Variants in MMP26 observed in about 807,000 individuals in gnomAD.
MMP26 encodes matrix metallopeptidase 26.
In MMP26, 33 loss-of-function variants were observed where a neutral mutation model predicts 31.0. That is an observed-to-expected ratio of 1.06 (90% CI 0.81 to 1.42). The LOEUF (loss-of-function observed/expected upper bound fraction) is 1.42. Ranked by LOEUF, MMP26 falls within the 40% of genes most tolerant of loss-of-function variation. The pLI is 0.00. For synonymous variants in MMP26, 122 were observed against 114.9 expected, an observed-to-expected ratio of 1.06 and a Z score of -0.40; for missense variants, 347 against 316.1, an observed-to-expected ratio of 1.10 and a Z score of -0.74.
At chr11:4,908,570 A>G (rs1850943588) in intron 2 of MMP26, 1 of 497,834 alleles carries the variant, frequency 2.0e-6, no homozygotes, top group Non-Finnish European at 3.6e-6. Flanking sequence ...GCTGGATTTG[A>G]GTCAACCCAT....
intron 2 of MMP26, among the ~76,000 whole-genome samples, chr11:4,814,643 T>C (rs1050426114): frequency 1.3e-5 from 2 of 152,226 alleles, no homozygotes; most frequent in Non-Finnish European, 2.9e-5. Flanking sequence ...CAAGGGTTAT[T>C]ATGCTCTAAG....
At chr11:4,752,643 G>A (rs528529106) in intron 1 of MMP26, 1 of 152,408 alleles carries the variant, frequency 6.6e-6, no homozygotes, top group African/African-American at 2.4e-5. Flanking sequence ...GAGCACTGAA[G>A]ATTCCATGAA....
chr11:4,749,122 A>T (rs966098510), intron 1 of MMP26, among the ~76,000 whole-genome samples: 5 of 152,134 alleles, frequency 3.3e-5, no homozygotes, highest in Non-Finnish European at 7.4e-5. Context: ...AACATACAAA[A>T]ATCAGTAGCA....
chr11:4,967,529 A>T (rs576161450), intron 2 of MMP26, among the ~76,000 whole-genome samples: 1 of 152,284 alleles, frequency 6.6e-6, no homozygotes, highest in South Asian at 2.1e-4. Context: ...GGTCCCCAAG[A>T]TATTCTGAGG....
At chr11:4,733,932 C>A (rs1848205769) in intron 1 of MMP26, among the ~76,000 whole-genome samples, 1 of 152,112 alleles carries the variant, frequency 6.6e-6, no homozygotes, top group African/African-American at 2.4e-5. Context: ...TTGAGATGAT[C>A]ATGTAGTTTT....
rs1846358025 is a variant in MMP26, at chr11:4,950,187, AT to A, written c.-144-37880del. Among the ~76,000 whole-genome samples, 2 of 123,972 alleles carry A rather than the reference AT, an allele frequency of 1.6e-5. 1 individual carries two copies. The allele number at this position is 123,972 out of a possible 152,430, so 81.3% of individuals were successfully genotyped here. A position where few individuals can be genotyped will look rare whatever the true frequency, so the allele number is the denominator to read the frequency against. On this transcript the variant is annotated intron_variant, in intron 2 of 7. Coordinates refer to ENST00000380390, the MANE Select transcript of MMP26 (RefSeq NM_021801.5). ...CTAAGTATTCAAGGTAAAACAAAAA[AT>A]CTTGTAGAAAAACTATGGTAATATT...
Position 4,785,374 on chromosome 11 carries a change from C to T in MMP26, c.-145+18033C>T, listed in dbSNP as rs556450891. Among the ~76,000 whole-genome samples, 6 of 152,242 alleles carry T rather than the reference C, an allele frequency of 3.9e-5. No individual in the cohort carries two copies. In the South Asian group the frequency reaches 1.2e-3, roughly 32 times the overall value. ...AATTCATATCTAGGTATAGATGAGA[C>T]TCTGTAGTTAAAGTTCCTTGAACAC... On this transcript the variant is annotated intron_variant, in intron 2 of 7. Coordinates refer to ENST00000380390, the MANE Select transcript of MMP26 (RefSeq NM_021801.5).
At chr11:4,723,010 C>T in intron 1 of MMP26, 1 of 914,592 alleles carries the variant, frequency 1.1e-6, no homozygotes, top group South Asian at 1.3e-5. Flanking sequence ...CCAGCAGCTT[C>T]CTGTAGGTGG....
chr11:4,881,941 C>T (rs1411911244), intron 2 of MMP26: 4 of 1,613,722 alleles, frequency 2.5e-6, no homozygotes, highest in African/African-American at 1.3e-5. Context: ...CCTCAAACTT[C>T]CTCCTCACTG....
At chr11:4,821,757 G>A (rs368579243) in intron 2 of MMP26, 1 of 1,613,884 alleles carries the variant, frequency 6.2e-7, no homozygotes, top group Non-Finnish European at 8.5e-7. Flanking sequence ...TTACTTTCAT[G>A]GAGTCTGGGG....
chr11:4,735,563 A>G (rs1848228990), intron 1 of MMP26, among the ~76,000 whole-genome samples: 1 of 152,180 alleles, frequency 6.6e-6, no homozygotes, highest in African/African-American at 2.4e-5. Flanking sequence ...TGTTGCCAGT[A>G]TCTATATATC....
At chr11:4,806,349 G>A (rs936946552) in intron 2 of MMP26, among the ~76,000 whole-genome samples, 7 of 152,054 alleles carry the variant, frequency 4.6e-5, no homozygotes, top group Non-Finnish European at 8.8e-5. Flanking sequence ...ATTATTGTGT[G>A]GGAGTCTAAG....
intron 1 of MMP26, among the ~76,000 whole-genome samples, chr11:4,731,014 G>T (rs2133283799): frequency 6.6e-6 from 1 of 152,172 alleles, no homozygotes; most frequent in African/African-American, 2.4e-5. Context: ...GTGCGATCTT[G>T]GTTCACTGCA....
rs201130431 is a variant in MMP26, at chr11:4,805,348, TA to T, written c.-145+38012del. 8.4e-3 allele frequency among the ~76,000 whole-genome samples: 1,282 copies of T among 152,372 alleles called. 63 individuals are homozygous for T. Among genetic ancestry groups the T allele is most frequent in the Admixed American group, 0.075 (1,143 of 15,304 alleles). On this transcript the variant is annotated intron_variant, in intron 2 of 7. Transcript: ENST00000380390. ...AAGAAGTTAGCAAACTTTTTTTCTT[TA>T]AAAAGTGAGATCACAAAATTTTGAG...
At chr11:4,859,960 A>G (rs1160800283) in intron 2 of MMP26, 2 of 471,130 alleles carry the variant, frequency 4.2e-6, no homozygotes, top group South Asian at 3.1e-5. Context: ...GACGACGATG[A>G]GGCCGTAGAG....
intron 1 of MMP26, among the ~76,000 whole-genome samples, chr11:4,727,693 C>G (rs531814754): frequency 6.6e-6 from 1 of 152,174 alleles, no homozygotes; most frequent in Admixed American, 6.5e-5. Context: ...GCCTGTAATC[C>G]CAGCTACTTG....
At chr11:4,756,296 G>A (rs1303385989) in intron 1 of MMP26, among the ~76,000 whole-genome samples, 1 of 151,916 alleles carries the variant, frequency 6.6e-6, no homozygotes, top group Non-Finnish European at 1.5e-5. Context: ...TTATATTTGG[G>A]AAGGGCACAA....
At chr11:4,750,729 T>G (rs1318385604) in intron 1 of MMP26, among the ~76,000 whole-genome samples, 1 of 151,890 alleles carries the variant, frequency 6.6e-6, no homozygotes, top group East Asian at 1.9e-4. Context: ...TGTGCACATA[T>G]GGCCGTTTAG....
At chr11:4,935,250 A>C (rs12281630) in intron 2 of MMP26, among the ~76,000 whole-genome samples, 2,195 of 150,342 alleles carry the variant, frequency 0.015, 52 homozygotes, top group African/African-American at 0.05. Context: ...CTTTTATTTC[A>C]TTGAGCAGTG....
Sources: gnomAD v4.1 joint callset for allele counts (sites outside exome capture counted in the v4.1 genomes callset) on GRCh38, gnomAD v4.1.1 for gene constraint, MANE v1.5 for transcripts, NCBI Gene and HGNC (gene_info 2026-07-23, HGNC 2026-07-21) for gene names.